Variants in UBE2F observed in about 807,000 individuals in gnomAD.
UBE2F encodes the protein NEDD8-conjugating enzyme UBE2F.
In UBE2F, 5 loss-of-function variants were observed where a neutral mutation model predicts 29.6. That is an observed-to-expected ratio of 0.17 (90% CI 0.09 to 0.36). UBE2F has a LOEUF of 0.36. Ranked by LOEUF, UBE2F falls within the 10% of genes least tolerant of loss-of-function variation. The pLI, the probability that UBE2F is intolerant of heterozygous loss-of-function variation, is 1.00. For synonymous variants in UBE2F, 66 were observed against 81.8 expected (o/e 0.81, Z 1.04); for missense variants, 141 against 228.5 (o/e 0.62, Z 2.47).
At chr2:238,006,804 G>A (rs2063918452) in intron 4 of UBE2F, among the ~76,000 whole-genome samples, 1 of 141,838 alleles carries the variant, frequency 7.1e-6, no homozygotes. Context: ...TTCCCAGGCT[G>A]GAGTACAATG....
chr2:238,012,314 T>C (rs970963795), intron 4 of UBE2F, among the ~76,000 whole-genome samples: 5 of 152,182 alleles, frequency 3.3e-5, no homozygotes, highest in Non-Finnish European at 5.9e-5. Context: ...TGGAGTCCTT[T>C]GCTTCAGTTT....
intron 2 of UBE2F, among the ~76,000 whole-genome samples, chr2:237,981,402 T>C (rs1473210311): frequency 6.6e-5 from 10 of 152,142 alleles, no homozygotes; most frequent in Admixed American, 5.9e-4. Flanking sequence ...CTGGTGGAAC[T>C]AAAATGCCAA....
intron 5 of UBE2F, among the ~76,000 whole-genome samples, chr2:238,024,554 G>A (rs898288373): frequency 2.6e-4 from 40 of 151,524 alleles, no homozygotes; most frequent in African/African-American, 9.0e-4. Context: ...ATATTGCCCT[G>A]GCTAATCTTA....
At chr2:237,972,778 CT>C (rs1298781070) in intron 1 of UBE2F, among the ~76,000 whole-genome samples, 2 of 152,058 alleles carry the variant, frequency 1.3e-5, no homozygotes, top group East Asian at 3.9e-4. Context: ...GTCTTGAGCT[CT>C]TAGGCTCAAG....
chr2:237,971,906 T>C (rs1205492752), intron 1 of UBE2F, among the ~76,000 whole-genome samples: 1 of 152,224 alleles, frequency 6.6e-6, no homozygotes, highest in African/African-American at 2.4e-5. Flanking sequence ...GAAATCTCTG[T>C]ACCTTCCTGT....
chr2:238,034,361 G>A (rs1298432333), intron 8 of UBE2F, among the ~76,000 whole-genome samples: 1 of 152,052 alleles, frequency 6.6e-6, no homozygotes, highest in African/African-American at 2.4e-5. Flanking sequence ...CCAAGAGGTG[G>A]AGGTTGCAGT....
intron 6 of UBE2F, among the ~76,000 whole-genome samples, chr2:238,029,257 C>T (rs1181131075): frequency 1.4e-5 from 2 of 144,324 alleles, no homozygotes; most frequent in Non-Finnish European, 3.0e-5. Context: ...CTTTTATCCT[C>T]AAGCTTTTTC....
chr2:238,004,533 G>T (rs2063862282), intron 4 of UBE2F, among the ~76,000 whole-genome samples: 1 of 151,762 alleles, frequency 6.6e-6, no homozygotes, highest in African/African-American at 2.4e-5. Flanking sequence ...ACCTTTTAAA[G>T]ACCATGTATT....
At chr2:237,991,612 T>TCTTTC (rs1559207779) in intron 3 of UBE2F, among the ~76,000 whole-genome samples, 5 of 106,392 alleles carry the variant, frequency 4.7e-5, no homozygotes, top group Non-Finnish European at 9.8e-5. Context: ...TTTCTTTCTT[T>TCTTTC]TTTTTTTTTT....
chr2:237,977,970 A>G lies in UBE2F; in HGVS notation c.118+4745A>G, dbSNP rs562317151. ...CTTACTAAGGGGTACCTTTGGGACA[A>G]TACCTGTGGGGTAGGCGAGGGAAGC... On this transcript the variant is annotated intron_variant, in intron 2 of 9. Coordinates refer to ENST00000272930, the MANE Select transcript of UBE2F (RefSeq NM_080678.3). Among the ~76,000 whole-genome samples the G allele has an allele frequency of 4.6e-5, 7 of 152,160 alleles. No individual in the cohort carries two copies. In the South Asian group the frequency reaches 1.2e-3, roughly 27 times the overall value.
chr2:238,010,334 C>T (rs941111070), intron 4 of UBE2F, among the ~76,000 whole-genome samples: 3 of 152,090 alleles, frequency 2.0e-5, no homozygotes, highest in South Asian at 2.1e-4. Context: ...CCACTATGCC[C>T]GACTGATTTT....
At chr2:237,990,615 G>A (rs1011610694) in intron 3 of UBE2F, 3 of 185,946 alleles carry the variant, frequency 1.6e-5, no homozygotes, top group African/African-American at 7.3e-5. Flanking sequence ...CAAAAAATCA[G>A]CCAGGCATCA....
At chr2:237,971,987 C>T (rs536980561) in intron 1 of UBE2F, among the ~76,000 whole-genome samples, 2 of 152,158 alleles carry the variant, frequency 1.3e-5, no homozygotes, top group Non-Finnish European at 2.9e-5. Flanking sequence ...TTTCTTCAAC[C>T]GTCTCCCAGA....
chr2:237,996,116 C>T (rs963900484), intron 4 of UBE2F, among the ~76,000 whole-genome samples: 3 of 152,092 alleles, frequency 2.0e-5, no homozygotes, highest in African/African-American at 7.2e-5. Context: ...CTGTTTTTTA[C>T]GAGAGGTATT....
intron 8 of UBE2F, among the ~76,000 whole-genome samples, chr2:238,033,750 C>T (rs1460315288): frequency 6.6e-6 from 1 of 152,260 alleles, no homozygotes; most frequent in Admixed American, 6.5e-5. Context: ...CTCCCTGAAT[C>T]TCCATGGGAG....
chr2:237,991,191 C>T lies in UBE2F; in HGVS notation c.148+3199C>T, dbSNP rs115576244. On this transcript the variant is annotated intron_variant, in intron 3 of 9. Transcript: ENST00000272930. The stretch of plus-strand genomic sequence containing the variant: ...TTCTTTCATTCTTTCTCCCTACCTT[C>T]TCTCCTAATCGAAGAGGGGGAAATT... 4.8e-3 allele frequency among the ~76,000 whole-genome samples: 725 copies of T among 152,310 alleles called. 7 individuals are homozygous for T. Among genetic ancestry groups the T allele is most frequent in the African/African-American group, 0.017 (703 of 41,566 alleles).
At chr2:238,015,600 T>G (rs2064134157) in intron 4 of UBE2F, among the ~76,000 whole-genome samples, 1 of 151,898 alleles carries the variant, frequency 6.6e-6, no homozygotes, top group South Asian at 2.1e-4. Flanking sequence ...AATTTTTTTT[T>G]AATGATGACT....
intron 3 of UBE2F, among the ~76,000 whole-genome samples, chr2:237,992,575 C>T (rs4663822): frequency 0.86 from 130,694 of 152,202 alleles, 56,268 homozygotes; most frequent in East Asian, 0.97. Context: ...GTGTTATTTG[C>T]TGCTTGTATA....
intron 4 of UBE2F, among the ~76,000 whole-genome samples, chr2:238,001,149 T>G (rs1223877972): frequency 6.7e-6 from 1 of 148,910 alleles, no homozygotes; most frequent in East Asian, 2.1e-4. Context: ...TTCTCCTGCC[T>G]CAGCCTCCCA....
Sources: allele counts gnomAD v4.1 joint callset (sites outside exome capture counted in the v4.1 genomes callset), GRCh38; gene constraint gnomAD v4.1.1; transcripts MANE v1.5; gene names NCBI Gene and HGNC (gene_info 2026-07-23, HGNC 2026-07-21).